DNAH5: variants seen among roughly 807,000 people sequenced by gnomAD.
The protein encoded by DNAH5 is axonemal beta dynein heavy chain 5.
In DNAH5, 372 loss-of-function variants were observed where a neutral mutation model predicts 518.2. The observed-to-expected ratio is 0.72, with a 90% CI of 0.66 to 0.78. The LOEUF (loss-of-function observed/expected upper bound fraction) is 0.78, where lower values mean the gene tolerates loss of function less well. DNAH5 is among the 30% of genes least tolerant of loss of function. DNAH5 has a pLI of 0.00. For synonymous variants in DNAH5, 2,039 were observed against 2,025.9 expected, an observed-to-expected ratio of 1.01 and a Z score of -0.17; for missense variants, 5,523 against 5,687.0, an observed-to-expected ratio of 0.97 and a Z score of 0.93.
chr5:13,866,765 A>G (rs1460096192), intron 25 of DNAH5, among the ~76,000 whole-genome samples: 1 of 152,152 alleles, frequency 6.6e-6, no homozygotes, highest in Admixed American at 6.5e-5. Flanking sequence ...CATGGGTCCA[A>G]TCTTCTAACT....
At chr5:14,000,485 T>C (rs1784277904) in intron 1 of DNAH5, among the ~76,000 whole-genome samples, 2 of 152,190 alleles carry the variant, frequency 1.3e-5, no homozygotes, top group Admixed American at 6.5e-5. Flanking sequence ...TCTCTCATGA[T>C]AGTTATATGA....
chr5:13,706,177 C>T (rs1742763296), intron 76 of DNAH5, among the ~76,000 whole-genome samples: 2 of 152,202 alleles, frequency 1.3e-5, no homozygotes, highest in South Asian at 2.1e-4. Context: ...AGGCGATGCA[C>T]ACCAGTGAAA....
At chr5:13,974,092 A>T (rs1782061030) in intron 1 of DNAH5, among the ~76,000 whole-genome samples, 1 of 150,672 alleles carries the variant, frequency 6.6e-6, no homozygotes, top group South Asian at 2.1e-4. Context: ...CTGAATAAAC[A>T]TCATTTTCTT....
intron 1 of DNAH5, among the ~76,000 whole-genome samples, chr5:13,935,547 A>G (rs1349859259): frequency 6.6e-6 from 1 of 152,216 alleles, no homozygotes; most frequent in Admixed American, 6.5e-5. Context: ...GACAAGTAAT[A>G]TGAAGTCAAT....
intron 47 of DNAH5, among the ~76,000 whole-genome samples, chr5:13,802,557 A>G (rs1758921644): frequency 1.3e-5 from 2 of 152,338 alleles, no homozygotes; most frequent in South Asian, 2.1e-4. Flanking sequence ...AGATTCTGCC[A>G]TAAGTAGCAC....
rs1554020233 is a variant in DNAH5 at position 13,717,420 on chromosome 5, C to CT, written c.12599dup (p.Phe4201ValfsTer13). 6.2e-7 allele frequency: 1 copy of CT among 1,614,006 alleles called. No individual in the cohort carries two copies. The highest frequency in any genetic ancestry group is 1.7e-5 in the Admixed American group (1 of 60,008). On this transcript the variant is annotated frameshift_variant, in exon 73 of 79. Transcript: ENST00000265104. LOFTEE classifies it high-confidence loss of function. ...GGATATTCCACCCCAGGGCACCGAA[C>CT]TTGCGCCTCTCCTGGACAGTGGAGT... is the stretch of plus-strand genomic sequence containing the variant.
chr5:14,004,669 G>A (rs1430099117), intron 1 of DNAH5, among the ~76,000 whole-genome samples: 1 of 152,168 alleles, frequency 6.6e-6, no homozygotes, highest in Non-Finnish European at 1.5e-5. Flanking sequence ...CTTACTCTGT[G>A]AGGTGAAAGG....
rs939417981 is a variant in DNAH5, at chr5:13,819,217, A to G, written c.6841+1129T>C. ...AAGAACACAATTATTTAAGAAACAT[A>G]AAAATCCCAAAACAGAATCTTAACA... On this transcript the variant is annotated intron_variant, in intron 41 of 78. Coordinates refer to ENST00000265104, the MANE Select transcript of DNAH5 (RefSeq NM_001369.3). 2.0e-5 allele frequency among the ~76,000 whole-genome samples: 3 copies of G among 152,242 alleles called. No homozygotes were observed. The South Asian group carries it at 6.2e-4, about 31-fold the overall frequency.
intron 53 of DNAH5, among the ~76,000 whole-genome samples, chr5:13,779,434 G>A (rs1478863211): frequency 6.6e-6 from 1 of 152,156 alleles, no homozygotes; most frequent in Non-Finnish European, 1.5e-5. Flanking sequence ...CATCCTAGCA[G>A]GTATCTATGG....
chr5:13,932,252 A>G lies in DNAH5; in HGVS notation c.58-1008T>C, dbSNP rs528521750. On this transcript the variant is annotated intron_variant, in intron 1 of 78. Coordinates refer to ENST00000265104, the MANE Select transcript of DNAH5 (RefSeq NM_001369.3). ...ACAGATGGCATGGCAGTTGCCACAG[A>G]GGCATCAGATTTATGGGTCTCCAAA... 3 of 152,330 alleles carry G rather than the reference A, an allele frequency of 2.0e-5. No homozygotes were observed. In the South Asian group the frequency reaches 6.2e-4, roughly 32 times the overall value. The allele number at this position is 152,330 out of a possible 1,614,324, so 9.4% of individuals were successfully genotyped here. A position where few individuals can be genotyped will look rare whatever the true frequency, so the allele number is the denominator to read the frequency against.
At chr5:13,711,988 T>C (rs1485850357) in intron 75 of DNAH5, among the ~76,000 whole-genome samples, 1 of 152,158 alleles carries the variant, frequency 6.6e-6, no homozygotes, top group East Asian at 1.9e-4. Flanking sequence ...ACCACCATCA[T>C]TCTTCAAAGA....
chr5:13,988,727 C>CTTTTTTTTTTTTTTTTT (rs528130556), intron 1 of DNAH5, among the ~76,000 whole-genome samples: 3 of 126,606 alleles, frequency 2.4e-5, no homozygotes, highest in African/African-American at 6.2e-5. Context: ...CAGCCCAAAT[C>CTTTTTTTTTTTTTTTTT]TTTTTTTTTT....
intron 1 of DNAH5, among the ~76,000 whole-genome samples, chr5:13,940,618 T>C (rs1779369841): frequency 6.6e-6 from 1 of 152,244 alleles, no homozygotes; most frequent in Admixed American, 6.5e-5. Flanking sequence ...GGCACCGGCA[T>C]TTCTCCAAAG....
chr5:13,832,047 C>T (rs1763742038), intron 35 of DNAH5, among the ~76,000 whole-genome samples: 1 of 152,044 alleles, frequency 6.6e-6, no homozygotes, highest in South Asian at 2.1e-4. Flanking sequence ...GGGCACTAGG[C>T]TTGATACCTG....
chr5:13,926,111 G>C (rs1370048850), intron 3 of DNAH5, among the ~76,000 whole-genome samples: 2 of 152,188 alleles, frequency 1.3e-5, no homozygotes, highest in Non-Finnish European at 2.9e-5. Flanking sequence ...CACCACCATG[G>C]AGGGCAGGGA....
In DNAH5 at chr5:13,811,670, G is replaced by A. The variant is rs768969517; in HGVS notation, c.7384C>T (p.Leu2462Phe). ...ACCTTCAGAGGAATCAGGCCTTGAA[G>A]CATGTTAATGCTCTGTGTGATGACA... is the stretch of plus-strand genomic sequence containing the variant. Reference protein sequence around the residue: ...AFVITQSINMLQGLIPLKEQG... With the variant: ...AFVITQSINMFQGLIPLKEQG... Residue 2462 changes from leucine to phenylalanine, a missense_variant, in exon 44 of 79, where the codon CTT (leucine) becomes TTT (phenylalanine). Physicochemically the swap from Leu to Phe is conservative, Grantham distance 22 (BLOSUM62 0). Transcript: ENST00000265104. The A allele has an allele frequency of 1.9e-6, 3 of 1,614,152 alleles. No homozygotes were observed. Among genetic ancestry groups the A allele is most frequent in the Admixed American group, 1.7e-5 (1 of 60,016 alleles).
intron 1 of DNAH5, among the ~76,000 whole-genome samples, chr5:13,940,144 T>A (rs1779326782): frequency 6.6e-6 from 1 of 152,094 alleles, no homozygotes; most frequent in Non-Finnish European, 1.5e-5. Context: ...CAACCCCAAA[T>A]CTGCTGTAGG....
chr5:13,781,805 A>G (rs1403745010), intron 52 of DNAH5, among the ~76,000 whole-genome samples: 1 of 152,134 alleles, frequency 6.6e-6, no homozygotes, highest in Non-Finnish European at 1.5e-5. Context: ...CATATGGTAT[A>G]GATGTTGGAA....
chr5:13,783,459 T>C (rs1423845785), intron 52 of DNAH5, among the ~76,000 whole-genome samples: 2 of 152,062 alleles, frequency 1.3e-5, no homozygotes, highest in Non-Finnish European at 2.9e-5. Flanking sequence ...CAGATAAACT[T>C]TCCACAAGGT....
Sources: gnomAD v4.1 joint callset for allele counts (sites outside exome capture counted in the v4.1 genomes callset) on GRCh38, gnomAD v4.1.1 for gene constraint, MANE v1.5 for transcripts, NCBI Gene and HGNC (gene_info 2026-07-23, HGNC 2026-07-21) for gene names.